MYH14: variants seen among roughly 807,000 people sequenced by gnomAD.
MYH14 encodes myosin heavy chain 14, also known as myosin-14.
Under a neutral mutation model 255.5 loss-of-function variants are expected in MYH14, and 123 were observed. The ratio of observed to expected loss-of-function variants is 0.48; its 90% CI spans 0.42 to 0.56. The LOEUF is 0.56. MYH14 is among the 20% of genes least tolerant of loss of function. MYH14 has a pLI of 0.00. For synonymous variants in MYH14, 1,095 were observed against 1,161.2 expected (o/e 0.94, Z 1.16); for missense variants, 2,423 against 2,802.3 (o/e 0.86, Z 3.06).
At chr19:50,208,186 G>A (rs1007583310) in intron 1 of MYH14, among the ~76,000 whole-genome samples, 4 of 152,126 alleles carry the variant, frequency 2.6e-5, no homozygotes, top group Non-Finnish European at 4.4e-5. Context: ...AGGCCCAGGC[G>A]GGCGGATCAC....
Position 50,217,234 on chromosome 19 carries a change from C to T in MYH14, c.406-381C>T, listed in dbSNP as rs113385261. 4.6e-5 allele frequency among the ~76,000 whole-genome samples: 7 copies of T among 152,244 alleles called. 1 individual carries two copies. The highest frequency in any genetic ancestry group is 1.7e-4 in the African/African-American group (7 of 41,536). On this transcript the variant is annotated intron_variant, in intron 2 of 42. Transcript: ENST00000642316. ...ACATAAGAGCTTTGTAGGAATGCATCGTATGAAGATGCATTCAGGTCGTTT... is the reference window on the plus strand; with the variant it reads ...ACATAAGAGCTTTGTAGGAATGCATTGTATGAAGATGCATTCAGGTCGTTT...
In MYH14 at chr19:50,299,487, C is replaced by T. The variant is rs539330520; in HGVS notation, c.5470-2174C>T. ...TTGGGAGGCTGAGGCCGGAGAATCA[C>T]TTGATCCTGGGAGGCAGAGGTTGCA... On this transcript the variant is annotated intron_variant, in intron 39 of 42. Coordinates refer to ENST00000642316, the MANE Select transcript of MYH14 (RefSeq NM_001145809.2). Among the ~76,000 whole-genome samples, 6 of 142,212 alleles carry T rather than the reference C, an allele frequency of 4.2e-5. No individual in the cohort carries two copies. The East Asian group carries it at 1.2e-3, about 29-fold the overall frequency. The allele number at this position is 142,212 out of a possible 152,430, so 93.3% of individuals were successfully genotyped here.
chr19:50,284,548 ATT>A (rs1042183555), intron 33 of MYH14, among the ~76,000 whole-genome samples: 4 of 146,780 alleles, frequency 2.7e-5, no homozygotes, highest in African/African-American at 1.0e-4. Context: ...TTTTATTTTT[ATT>A]TTTTTTTTAT....
intron 2 of MYH14, among the ~76,000 whole-genome samples, chr19:50,215,044 C>T (rs910906347): frequency 6.6e-6 from 1 of 152,118 alleles, no homozygotes; most frequent in African/African-American, 2.4e-5. Context: ...TCTTCAGAGC[C>T]CCGAGGGCTG....
chr19:50,211,154 G>A (rs1463702646), intron 2 of MYH14, among the ~76,000 whole-genome samples: 2 of 152,018 alleles, frequency 1.3e-5, no homozygotes, highest in African/African-American at 2.4e-5. Flanking sequence ...GCAACAAAAC[G>A]AGACCCTATC....
chr19:50,277,570 T>C (rs1410027719), intron 29 of MYH14, among the ~76,000 whole-genome samples: 1 of 151,840 alleles, frequency 6.6e-6, no homozygotes, highest in African/African-American at 2.4e-5. Context: ...ATTGTACCAT[T>C]CCACTCCAGC....
rs1422892089 is a variant in MYH14 at position 50,271,879 on chromosome 19, G to A, written c.3202G>A (p.Glu1068Lys). 6 of 1,613,476 alleles carry A rather than the reference G, an allele frequency of 3.7e-6. No homozygotes were observed. Among genetic ancestry groups the A allele is most frequent in the Admixed American group, 1.7e-5 (1 of 59,996 alleles). Residue 1068 changes from glutamate (E) to lysine (K), a missense_variant, in exon 26 of 43, where the codon GAG (glutamate) becomes AAG (lysine). This residue lies in a region of MYH14 where 1,513 missense variants were observed against 1,674.8 expected (regional missense o/e 0.90). Coordinates refer to ENST00000642316, the MANE Select transcript of MYH14 (RefSeq NM_001145809.2). ...ERKLLEDRLAEFSSQAAEEEE... is the reference protein window; with the variant it reads ...ERKLLEDRLAKFSSQAAEEEE... ...GAAGCTGCTGGAAGATCGTCTGGCC[G>A]AGTTCTCATCCCAGGCAGCTGAGGA...
chr19:50,283,490 A>C (rs2035790977), intron 33 of MYH14, among the ~76,000 whole-genome samples: 1 of 152,158 alleles, frequency 6.6e-6, no homozygotes. Context: ...TCAATAATGT[A>C]TTTTTGCTGC....
rs1417802691 is a variant in MYH14, at chr19:50,280,132, C to T, written c.4128C>T (p.His1376=). The change falls in exon 31 of 43, where the codon CAC becomes CAT. Residue 1376 remains histidine (H), a synonymous_variant. Transcript: ENST00000642316. This position sits in a 1 kb window ranked among gnomAD's most constrained non-coding sequence, Gnocchi z 4.8. ...KELSSTEAQL[H]DAQELLQEET... is the part of the protein sequence containing the mutation. ...TGAGCAGCACAGAAGCCCAGCTGCACGATGCCCAGGTGACCCTGCCTGCCC... is the reference window on the plus strand; with the variant it reads ...TGAGCAGCACAGAAGCCCAGCTGCATGATGCCCAGGTGACCCTGCCTGCCC... The T allele has an allele frequency of 1.1e-5, 17 of 1,602,410 alleles. No individual in the cohort carries two copies. Among genetic ancestry groups the T allele is most frequent in the Admixed American group, 1.7e-5 (1 of 58,154 alleles).
chr19:50,239,815 C>T (rs573340208), intron 10 of MYH14, among the ~76,000 whole-genome samples: 1 of 152,262 alleles, frequency 6.6e-6, no homozygotes, highest in Non-Finnish European at 1.5e-5. Context: ...TCCCAAAGTG[C>T]TGGGATTACA....
Position 50,271,514 on chromosome 19 carries a change from C to G in MYH14, c.3139C>G (p.Leu1047Val). Residue 1047 changes from leucine to valine, a missense_variant, in exon 25 of 43, where the codon CTC (leucine) becomes GTC (valine). By Grantham distance (32) the Leu-to-Val change is conservative (BLOSUM62 1). This residue lies in a region of MYH14 where 1,513 missense variants were observed against 1,674.8 expected (regional missense o/e 0.90). Transcript: ENST00000642316. ...GAAGAAATTTGAAGAGGACCTGCTG[C>G]TCCTGGAAGACCAGAATTCCAAGCT... ...KMKKFEEDLL[L>V]LEDQNSKLSK... 1 of 1,606,580 alleles carries G rather than the reference C, an allele frequency of 6.2e-7. No homozygotes were observed. Among genetic ancestry groups the G allele is most frequent in the Non-Finnish European group, 8.5e-7 (1 of 1,176,700 alleles).
chr19:50,308,561 T>A (rs2036731443), intron 41 of MYH14: 1 of 162,502 alleles, frequency 6.2e-6, no homozygotes, highest in African/African-American at 2.4e-5. Flanking sequence ...AGATCATGTA[T>A]GTTCCCTCCC....
chr19:50,271,001 T>C (rs1023317566), intron 24 of MYH14, among the ~76,000 whole-genome samples: 1 of 152,152 alleles, frequency 6.6e-6, no homozygotes. Flanking sequence ...ACCTATTTAC[T>C]ATGTTTATAG....
At position 50,286,569 on chromosome 19, in the gene MYH14, G is replaced by T; in HGVS notation, c.4627G>T (p.Ala1543Ser). Reference sequence around the variant, plus strand: ...AGAGGGCCGGGAGCGTGAGGCTCGGGCCCTGTCACTGACACGGGCACTGGA... The same window carrying T: ...AGAGGGCCGGGAGCGTGAGGCTCGGTCCCTGTCACTGACACGGGCACTGGA... ...EAEGREREAR[A>S]LSLTRALEEE... Residue 1543 changes from alanine to serine, a missense_variant, in exon 34 of 43, where the codon GCC (alanine) becomes TCC (serine). By Grantham distance (99) the Ala-to-Ser change is moderately conservative. Around this residue, in one of 3 missense-constraint regions of MYH14, gnomAD observed 1,513 missense variants for 1,674.8 expected, o/e 0.90. Transcript: ENST00000642316. 1 of 1,610,680 alleles carries T rather than the reference G, an allele frequency of 6.2e-7. No homozygotes were observed. Among genetic ancestry groups the T allele is most frequent in the East Asian group, 2.2e-5 (1 of 44,790 alleles).
chr19:50,281,727 G>C lies in MYH14; in HGVS notation c.4424G>C (p.Arg1475Pro). 6.2e-7 allele frequency: 1 copy of C among 1,611,870 alleles called. No homozygotes were observed. Among genetic ancestry groups the C allele is most frequent in the Non-Finnish European group, 8.5e-7 (1 of 1,179,626 alleles). The change falls in exon 33 of 43, where the codon CGG becomes CCG. Residue 1475 changes from arginine to proline, a missense_variant. Physicochemically the swap from Arg to Pro is moderately radical, Grantham distance 103 (BLOSUM62 -2). Transcript: ENST00000642316. Reference sequence around the variant, plus strand: ...GCAGAAAAGACAGAGACCGTGGATCGGCTGGAGCGGGGCCGCCGCCGGCTG... The same window carrying C: ...GCAGAAAAGACAGAGACCGTGGATCCGCTGGAGCGGGGCCGCCGCCGGCTG... ...RLAEKTETVD[R>P]LERGRRRLQQ...
chr19:50,249,596 C>G, intron 13 of MYH14, 54 bp from the exon 14 acceptor site: 1 of 1,610,588 alleles, frequency 6.2e-7, no homozygotes, highest in Non-Finnish European at 8.5e-7. Context: ...TCCCCTGTCT[C>G]TGGGTCTCTG....
chr19:50,232,090 G>A lies in MYH14; in HGVS notation c.1114+20G>A. 6.2e-7 allele frequency: 1 copy of A among 1,608,456 alleles called. No homozygotes were observed. The highest frequency in any genetic ancestry group is 1.1e-5 in the South Asian group (1 of 91,076). ...TCATCTGTGAGTGAGCCCCGTGGAGGCCAGGGGTAGGGGGGAACCCCACGG... is the reference window on the plus strand; with the variant it reads ...TCATCTGTGAGTGAGCCCCGTGGAGACCAGGGGTAGGGGGGAACCCCACGG... On this transcript the variant is annotated intron_variant, in intron 10 of 42. Coordinates refer to ENST00000642316, the MANE Select transcript of MYH14 (RefSeq NM_001145809.2).
At chr19:50,296,695 G>A (rs758791729) in intron 39 of MYH14, among the ~76,000 whole-genome samples, 5 of 152,242 alleles carry the variant, frequency 3.3e-5, no homozygotes, top group Middle Eastern at 3.2e-3. Context: ...ATGAACAAGA[G>A]TAACCCAGAA....
chr19:50,249,680 T>C lies in MYH14; in HGVS notation c.1513T>C (p.Tyr505His), dbSNP rs2034288022. The part of the protein sequence containing the change: ...LNSFEQLCIN[Y>H]TNEKLQQLFN... ...CTCCTTCGAGCAGCTCTGCATCAAC[T>C]ACACCAACGAGAAGCTGCAGCAGCT... Residue 505 changes from tyrosine (Y) to histidine (H), a missense_variant, in exon 14 of 43, where the codon TAC becomes CAC. By Grantham distance (83) the Tyr-to-His change is moderately conservative. Coordinates refer to ENST00000642316, the MANE Select transcript of MYH14 (RefSeq NM_001145809.2). 1.2e-6 allele frequency: 2 copies of C among 1,614,086 alleles called. No individual in the cohort carries two copies. The highest frequency in any genetic ancestry group is 1.3e-5 in the African/African-American group (1 of 74,928).
Sources: allele counts gnomAD v4.1 joint callset (sites outside exome capture counted in the v4.1 genomes callset), GRCh38; gene constraint gnomAD v4.1.1; regional missense constraint gnomAD v4.1.1; non-coding constraint Gnocchi (gnomAD v3.1); transcripts MANE v1.5; gene names NCBI Gene and HGNC (gene_info 2026-07-23, HGNC 2026-07-21).